The following ZFAND3 variants were observed in gnomAD, a reference collection of about 807,000 sequenced individuals.
The protein encoded by ZFAND3 is zinc finger AN1-type containing 3.
Under a neutral mutation model 29.6 loss-of-function variants are expected in ZFAND3, and 10 were observed. The ratio of observed to expected loss-of-function variants is 0.34; its 90% confidence interval spans 0.21 to 0.57. The LOEUF (loss-of-function observed/expected upper bound fraction) is 0.57. Ranked by LOEUF, ZFAND3 falls within the 20% of genes least tolerant of loss-of-function variation. The pLI is 0.86. For synonymous variants in ZFAND3, 128 were observed against 112.6 expected (o/e 1.14, Z -0.87); for missense variants, 230 against 304.5 (o/e 0.76, Z 1.82).
intron 2 of ZFAND3, among the ~76,000 whole-genome samples, chr6:37,936,720 T>C (rs573442378): frequency 6.6e-6 from 1 of 152,326 alleles, no homozygotes; most frequent in South Asian, 2.1e-4. Context: ...TAATTTTGTC[T>C]GTGTTTTCAG....
At chr6:38,064,973 A>G (rs979447266) in intron 3 of ZFAND3, among the ~76,000 whole-genome samples, 1 of 152,088 alleles carries the variant, frequency 6.6e-6, no homozygotes, top group Non-Finnish European at 1.5e-5. Context: ...CCACATGGAG[A>G]TGATAGTTTA....
intron 1 of ZFAND3, among the ~76,000 whole-genome samples, chr6:37,840,573 GTCAGCTTGTCAGCTTGA>G (rs1396918245): frequency 2.0e-5 from 3 of 152,194 alleles, no homozygotes; most frequent in Non-Finnish European, 2.9e-5. Flanking sequence ...TCATCAGCTT[GTCAGCTTGTCAGCTTGA>G]TCAGCTTGTC....
chr6:37,829,792 ATCT>A (rs1269783388), intron 1 of ZFAND3, among the ~76,000 whole-genome samples: 3 of 152,270 alleles, frequency 2.0e-5, no homozygotes, highest in East Asian at 1.9e-4. Flanking sequence ...AAGGCTGATG[ATCT>A]TCTTCAGGGA....
rs189140502 is a variant in ZFAND3 at position 38,045,964 on chromosome 6, C to T, written c.113-15629C>T. On this transcript the variant is annotated intron_variant, in intron 2 of 5. Coordinates refer to ENST00000287218, the MANE Select transcript of ZFAND3 (RefSeq NM_021943.3). ...CTAAAGTGGTTAGCGAGAAGAGTAG[C>T]GAACAGTGTTCTCAGTAACAGCTCT... Among the ~76,000 whole-genome samples the T allele has an allele frequency of 2.0e-5, 3 of 152,282 alleles. No homozygotes were observed. The East Asian group carries it at 5.8e-4, about 29-fold the overall frequency.
intron 2 of ZFAND3, among the ~76,000 whole-genome samples, chr6:37,930,933 T>C (rs894521621): frequency 6.6e-6 from 1 of 152,080 alleles, no homozygotes; most frequent in African/African-American, 2.4e-5. Context: ...ATGAAGTCAA[T>C]GTTGATTTGC....
chr6:38,099,798 G>A lies in ZFAND3; in HGVS notation c.362-16774G>A, dbSNP rs1765057724. Among the ~76,000 whole-genome samples, 4 of 152,316 alleles carry A rather than the reference G, an allele frequency of 2.6e-5. No homozygotes were observed. The South Asian group carries it at 6.2e-4, about 24-fold the overall frequency. The stretch of plus-strand genomic sequence containing the variant: ...CTTGAAAAATGTACTGGGTGCTGCT[G>A]CTTTTTTTCTAGAGGAAGTCAAACA... On this transcript the variant is annotated intron_variant, in intron 4 of 5. Transcript: ENST00000287218.
intron 2 of ZFAND3, among the ~76,000 whole-genome samples, chr6:37,937,812 AAC>A (rs531777361): frequency 6.6e-6 from 1 of 152,002 alleles, no homozygotes. Flanking sequence ...TTTCTCGTGT[AAC>A]ACACACACAC....
intron 1 of ZFAND3, among the ~76,000 whole-genome samples, chr6:37,904,476 A>G (rs1445964772): frequency 6.6e-6 from 1 of 152,202 alleles, no homozygotes; most frequent in Non-Finnish European, 1.5e-5. Flanking sequence ...AAGTATCATT[A>G]TTAGGCATAT....
At chr6:38,094,938 A>C (rs181667564) in intron 4 of ZFAND3, among the ~76,000 whole-genome samples, 75 of 152,264 alleles carry the variant, frequency 4.9e-4, no homozygotes, top group Admixed American at 1.8e-3. Flanking sequence ...ATTTCCTTTG[A>C]GCACCATGTT....
chr6:37,873,871 G>A (rs1407876423), intron 1 of ZFAND3, among the ~76,000 whole-genome samples: 3 of 152,190 alleles, frequency 2.0e-5, no homozygotes, highest in Non-Finnish European at 4.4e-5. Flanking sequence ...AAATGTGACT[G>A]TGTCCCAGAA....
rs557000635 is a variant in ZFAND3 at position 37,872,776 on chromosome 6, G to A, written c.71+52760G>A. Among the ~76,000 whole-genome samples, 470 of 152,286 alleles carry A rather than the reference G, an allele frequency of 3.1e-3. 3 individuals carry two copies. The highest frequency in any genetic ancestry group is 0.011 in the African/African-American group (447 of 41,558). On this transcript the variant is annotated intron_variant, in intron 1 of 5. Coordinates refer to ENST00000287218, the MANE Select transcript of ZFAND3 (RefSeq NM_021943.3). ...CTGTGATTAGTTTATCCCTTCTACT[G>A]TTGATGGGCATTTGGATTACTTTCA... is the stretch of plus-strand genomic sequence containing the variant.
intron 1 of ZFAND3, among the ~76,000 whole-genome samples, chr6:37,832,259 G>T (rs140590409): frequency 6.6e-5 from 10 of 152,320 alleles, no homozygotes; most frequent in Non-Finnish European, 1.5e-4. Flanking sequence ...AGCAGCGACA[G>T]ATTGGATGGT....
intron 1 of ZFAND3, among the ~76,000 whole-genome samples, chr6:37,918,365 G>A (rs1487377803): frequency 1.3e-5 from 2 of 152,100 alleles, no homozygotes; most frequent in Non-Finnish European, 2.9e-5. Flanking sequence ...GTGAGCCACT[G>A]CGCCTGGCCT....
chr6:37,930,087 C>T lies in ZFAND3; in HGVS notation c.112+88C>T, dbSNP rs1210099545. 6.1e-6 allele frequency: 8 copies of T among 1,311,236 alleles called. No individual in the cohort carries two copies. The African/African-American group carries it at 7.6e-5, about 12-fold the overall frequency. The allele number at this position is 1,311,236 out of a possible 1,614,324, so 81.2% of individuals were successfully genotyped here. The stretch of plus-strand genomic sequence containing the variant: ...TCTTTTTAAGACTAAATCATTTGAC[C>T]CTAAAGGATTTATGCATGGGGTTTT... On this transcript the variant is annotated intron_variant, in intron 2 of 5. Coordinates refer to ENST00000287218, the MANE Select transcript of ZFAND3 (RefSeq NM_021943.3).
chr6:38,053,772 G>C (rs1581876513), intron 2 of ZFAND3, among the ~76,000 whole-genome samples: 2 of 152,260 alleles, frequency 1.3e-5, no homozygotes, highest in East Asian at 3.9e-4. Context: ...TGGAGAAATA[G>C]ATGGATTCAA....
At chr6:37,945,881 C>T (rs554235869) in intron 2 of ZFAND3, among the ~76,000 whole-genome samples, 7 of 152,284 alleles carry the variant, frequency 4.6e-5, no homozygotes, top group Non-Finnish European at 7.4e-5. Context: ...TGCTTGAGTG[C>T]TTATCAGACA....
intron 1 of ZFAND3, among the ~76,000 whole-genome samples, chr6:37,923,978 CT>C (rs563400500): frequency 6.6e-6 from 1 of 151,836 alleles, no homozygotes; most frequent in Non-Finnish European, 1.5e-5. Flanking sequence ...TTAGTTTTTA[CT>C]TTTTGTTTTT....
intron 2 of ZFAND3, among the ~76,000 whole-genome samples, chr6:38,021,019 A>T (rs1209477154): frequency 6.6e-6 from 1 of 152,260 alleles, no homozygotes; most frequent in Non-Finnish European, 1.5e-5. Context: ...AACAGAAAAT[A>T]TATGAAAGGA....
intron 2 of ZFAND3, among the ~76,000 whole-genome samples, chr6:37,984,876 A>G (rs914615780): frequency 2.0e-5 from 3 of 152,212 alleles, no homozygotes; most frequent in African/African-American, 7.2e-5. Flanking sequence ...TCTGTTAATT[A>G]TCAGAGAGGT....
Sources: gnomAD v4.1 joint callset for allele counts (sites outside exome capture counted in the v4.1 genomes callset) on GRCh38, gnomAD v4.1.1 for gene constraint, MANE v1.5 for transcripts, NCBI Gene and HGNC (gene_info 2026-07-23, HGNC 2026-07-21) for gene names.